HSPG2: variants seen among roughly 807,000 people sequenced by gnomAD.
HSPG2 encodes basement membrane-specific heparan sulfate proteoglycan core protein.
HSPG2 carries 278 observed loss-of-function variants against 526.6 expected under a neutral mutation model. The ratio of observed to expected loss-of-function variants is 0.53; its 90% CI spans 0.48 to 0.58. The LOEUF (loss-of-function observed/expected upper bound fraction) is 0.58. HSPG2 is among the 20% of genes least tolerant of loss of function. The pLI, the probability that HSPG2 is intolerant of heterozygous loss-of-function variation, is 0.00. For synonymous variants in HSPG2, 2,465 were observed against 2,555.4 expected, an observed-to-expected ratio of 0.96 and a Z score of 1.07; for missense variants, 5,354 against 6,099.5, an observed-to-expected ratio of 0.88 and a Z score of 4.07.
At chr1:21,843,009 T>C (rs954539172) in intron 66 of HSPG2, 88 bp from the exon 67 acceptor site, 1 of 1,495,068 alleles carries the variant, frequency 6.7e-7, no homozygotes, top group African/African-American at 1.4e-5. Flanking sequence ...CCAGCTCCAG[T>C]TGATCCTGGG....
At position 21,865,913 on chromosome 1, in the gene HSPG2, C is replaced by T; in HGVS notation, c.4222-104G>A. Reference sequence around the variant, plus strand: ...TCTGGCGGCCTTTTTGCACCTGTGCCACACTCCCCCACCCCCCTCCCTGCC... The same window carrying T: ...TCTGGCGGCCTTTTTGCACCTGTGCTACACTCCCCCACCCCCCTCCCTGCC... On this transcript the variant is annotated intron_variant, in intron 33 of 96. Transcript: ENST00000374695. This position sits in a 1 kb window ranked among gnomAD's most constrained non-coding sequence, Gnocchi z 5.4. 3.7e-6 allele frequency: 3 copies of T among 818,044 alleles called. No individual in the cohort carries two copies. The highest frequency in any genetic ancestry group is 1.4e-5 in the South Asian group (1 of 73,416). 50.7% of individuals were successfully genotyped at this position (818,044 alleles called of 1,614,324 possible).
At chr1:21,842,524 A>G in intron 67 of HSPG2, 144 bp from the exon 68 acceptor site, 1 of 1,075,700 alleles carries the variant, frequency 9.3e-7, no homozygotes, top group Non-Finnish European at 1.3e-6. Flanking sequence ...TCATTCACAG[A>G]ATCCTAGAGG....
intron 64 of HSPG2, among the ~76,000 whole-genome samples, chr1:21,845,322 C>G (rs1638343552): frequency 6.6e-6 from 1 of 152,110 alleles, no homozygotes; most frequent in African/African-American, 2.4e-5. Context: ...TAAGGACAGG[C>G]TTGATGTGTT....
chr1:21,850,080 C>T lies in HSPG2; in HGVS notation c.7407G>A (p.Thr2469=), dbSNP rs200462415. Residue 2469 remains threonine, a synonymous_variant, in exon 57 of 97, where the codon ACG becomes ACA. Coordinates refer to ENST00000374695, the MANE Select transcript of HSPG2 (RefSeq NM_005529.7). ...GGAGGCTGCCCCCGCGCTTGTGCCA[C>T]GTGACCTGGGCATGGGCCTGACCAG... ...LVAGQAHAQV[T]WHKRGGSLPA... The T allele has an allele frequency of 2.5e-5, 41 of 1,613,376 alleles. No homozygotes were observed. Among genetic ancestry groups the T allele is most frequent in the Admixed American group, 8.3e-5 (5 of 60,008 alleles).
At chr1:21,934,763 C>T (rs941718896) in intron 1 of HSPG2, among the ~76,000 whole-genome samples, 13 of 151,542 alleles carry the variant, frequency 8.6e-5, no homozygotes, top group Non-Finnish European at 1.9e-4. Context: ...GCCTGGCTAA[C>T]TTTTTGCATT....
intron 6 of HSPG2, among the ~76,000 whole-genome samples, chr1:21,888,933 G>A (rs1255577946): frequency 6.6e-6 from 1 of 152,174 alleles, no homozygotes; most frequent in Non-Finnish European, 1.5e-5. Flanking sequence ...TTGTTTGTTT[G>A]TCTTGTTTTA....
intron 55 of HSPG2, among the ~76,000 whole-genome samples, chr1:21,850,919 C>G (rs1315106511): frequency 1.3e-5 from 2 of 151,626 alleles, no homozygotes; most frequent in Non-Finnish European, 1.5e-5. Context: ...TTCTGTGAGC[C>G]TAAGCTCTGA....
In HSPG2 at chr1:21,859,891, T is replaced by A. The variant is rs555258209; in HGVS notation, c.5126A>T (p.Tyr1709Phe). ...AGGCCGCCCATCCTCACGGGACCAATAGAAGTAGTGGGGTGGGCTCCCACT... is the reference window on the plus strand; with the variant it reads ...AGGCCGCCCATCCTCACGGGACCAAAAGAAGTAGTGGGGTGGGCTCCCACT... ...QVSGSPPHYFYWSREDGRPVP... is the reference protein window; with the variant it reads ...QVSGSPPHYFFWSREDGRPVP... Residue 1709 changes from tyrosine (Y) to phenylalanine (F), a missense_variant, in exon 41 of 97, where the codon TAT (tyrosine) becomes TTT (phenylalanine). Transcript: ENST00000374695. The surrounding 1 kb of genome is among the most constrained non-coding windows in gnomAD (Gnocchi z 5.3). The A allele has an allele frequency of 1.9e-6, 3 of 1,610,992 alleles. No homozygotes were observed. Among genetic ancestry groups the A allele is most frequent in the Admixed American group, 3.3e-5 (2 of 59,796 alleles).
intron 1 of HSPG2, among the ~76,000 whole-genome samples, chr1:21,910,582 T>C (rs532803687): frequency 6.6e-6 from 1 of 152,348 alleles, no homozygotes; most frequent in South Asian, 2.1e-4. Flanking sequence ...AGCCACTTTG[T>C]GAAGCAGAAT....
At chr1:21,926,274 G>C (rs1644188464) in intron 1 of HSPG2, among the ~76,000 whole-genome samples, 1 of 152,192 alleles carries the variant, frequency 6.6e-6, no homozygotes, top group Non-Finnish European at 1.5e-5. Flanking sequence ...GTTTTAATGA[G>C]AAGGTGTCAG....
Position 21,831,793 on chromosome 1 carries a change from G to A in HSPG2, c.11211C>T (p.Phe3737=), listed in dbSNP as rs1327110489. The change falls in exon 82 of 97, where the codon TTC becomes TTT. Residue 3737 remains phenylalanine (F), a synonymous_variant. Coordinates refer to ENST00000374695, the MANE Select transcript of HSPG2 (RefSeq NM_005529.7). The part of the protein sequence containing the change: ...GLVGGRPEFR[F]DAGSGMATIR... The stretch of plus-strand genomic sequence containing the variant: ...TGGTGGCCATGCCTGAGCCTGCATC[G>A]AACCTGCTCCGTGGGGCAGGCCGGG... The A allele has an allele frequency of 1.3e-6, 2 of 1,598,438 alleles. No individual in the cohort carries two copies. Among genetic ancestry groups the A allele is most frequent in the Non-Finnish European group, 1.7e-6 (2 of 1,169,584 alleles).
rs376821721 is a variant in HSPG2 at position 21,884,514 on chromosome 1, G to A, written c.1654+14C>T. 183 of 1,610,800 alleles carry A rather than the reference G, an allele frequency of 1.1e-4. 4 individuals are homozygous for A. In the South Asian group the frequency reaches 1.7e-3, roughly 15 times the overall value. On this transcript the variant is annotated intron_variant, in intron 13 of 96. Transcript: ENST00000374695. ...CTCCCACCTCCCGCAGCGCTCACCC[G>A]CCCGCCAACGCACCCTTGAAGTCAT...
At chr1:21,924,225 AG>A (rs1644123339) in intron 1 of HSPG2, among the ~76,000 whole-genome samples, 1 of 152,208 alleles carries the variant, frequency 6.6e-6, no homozygotes. Context: ...CCAGGCGCAG[AG>A]GAAGGTGGAA....
chr1:21,831,591 A>C (rs758874846), intron 82 of HSPG2, 29 bp from the exon 83 acceptor site: 102 of 1,613,848 alleles, frequency 6.3e-5, no homozygotes, highest in Admixed American at 8.3e-5. Flanking sequence ...CAGGAATGGC[A>C]ACAGAGGCTG....
intron 78 of HSPG2, 94 bp from the exon 79 acceptor site, chr1:21,833,708 A>G (rs909623222): frequency 2.5e-6 from 4 of 1,582,866 alleles, no homozygotes; most frequent in Middle Eastern, 1.8e-4. Flanking sequence ...TCCAACATTG[A>G]GCGTTTGCTC....
In HSPG2 at chr1:21,824,458, C is replaced by G; in HGVS notation, c.12744+79G>C. Reference sequence around the variant, plus strand: ...AGGCCAGGGGGCTCTGCTTTCCCCTCCCCCCACCACTCCGGCCACCAGGAA... The same window carrying G: ...AGGCCAGGGGGCTCTGCTTTCCCCTGCCCCCACCACTCCGGCCACCAGGAA... On this transcript the variant is annotated intron_variant, in intron 93 of 96. Coordinates refer to ENST00000374695, the MANE Select transcript of HSPG2 (RefSeq NM_005529.7). The surrounding 1 kb of genome is among the most constrained non-coding windows in gnomAD (Gnocchi z 5.9). The G allele has an allele frequency of 6.3e-7, 1 of 1,591,826 alleles. No homozygotes were observed. The highest frequency in any genetic ancestry group is 8.6e-7 in the Non-Finnish European group (1 of 1,163,184).
At position 21,874,699 on chromosome 1, in the gene HSPG2, TG is replaced by T; in HGVS notation, c.3444del (p.Ser1149ValfsTer125). On this transcript the variant is annotated frameshift_variant, in exon 27 of 97. Transcript: ENST00000374695. LOFTEE classifies it high-confidence loss of function. ...TCACAGGTACCCAGGTAGAGGCCACTGGGCGTGCGTGTGTAGCCTGTGTCAC... is the reference window on the plus strand; with the variant it reads ...TCACAGGTACCCAGGTAGAGGCCACTGGCGTGCGTGTGTAGCCTGTGTCAC... ...QDCDTGYTRT[P>X]SGLYLGTCER... 6.2e-7 allele frequency: 1 copy of T among 1,608,942 alleles called. No homozygotes were observed. The highest frequency in any genetic ancestry group is 1.1e-5 in the South Asian group (1 of 90,178).
At position 21,888,065 on chromosome 1, in the gene HSPG2, C is replaced by A; in HGVS notation, c.576G>T (p.Val192=). The change falls in exon 7 of 97, where the codon GTG becomes GTT. Residue 192 remains valine, a splice_region_variant and synonymous_variant. Coordinates refer to ENST00000374695, the MANE Select transcript of HSPG2 (RefSeq NM_005529.7). The stretch of plus-strand genomic sequence containing the variant: ...CCGTGCAGGCTCTTGGGAACTGGGG[C>A]ACTGCAGGTGGAAAGGAAGCAGACT... ...QGFQFRRLGT[V]PQFPRACTEA... is the part of the protein sequence containing the mutation. 2 of 1,614,052 alleles carry A rather than the reference C, an allele frequency of 1.2e-6. No homozygotes were observed. The highest frequency in any genetic ancestry group is 1.7e-6 in the Non-Finnish European group (2 of 1,180,028).
At chr1:21,899,807 G>T (rs548767350) in intron 1 of HSPG2, among the ~76,000 whole-genome samples, 1 of 152,224 alleles carries the variant, frequency 6.6e-6, no homozygotes, top group Non-Finnish European at 1.5e-5. Context: ...CAGACCACAG[G>T]TGAGGAGCTG....
Sources: allele counts gnomAD v4.1 joint callset (sites outside exome capture counted in the v4.1 genomes callset), GRCh38; gene constraint gnomAD v4.1.1; non-coding constraint Gnocchi (gnomAD v3.1); transcripts MANE v1.5; gene names NCBI Gene and HGNC (gene_info 2026-07-23, HGNC 2026-07-21).